The following TUBD1 variants were observed in gnomAD, a reference collection of about 807,000 sequenced individuals.
TUBD1 encodes the protein tubulin delta chain.
A neutral mutation model predicts 51.2 loss-of-function variants in TUBD1; 38 were observed. The ratio of observed to expected loss-of-function variants is 0.74; its 90% CI spans 0.57 to 0.97. The LOEUF is 0.97. Ranked by LOEUF, TUBD1 falls within the 50% of genes least tolerant of loss-of-function variation. The pLI is 0.00. For missense variants in TUBD1, 489 were observed against 538.4 expected (o/e 0.91, Z 0.91); for synonymous variants, 169 against 178.2 (o/e 0.95, Z 0.41).
At chr17:59,871,238 G>C (rs1194113367) in intron 6 of TUBD1, among the ~76,000 whole-genome samples, 1 of 152,002 alleles carries the variant, frequency 6.6e-6, no homozygotes, top group Non-Finnish European at 1.5e-5. Context: ...CTCTGTCGCC[G>C]AGGCTGGAGT....
chr17:59,890,995 A>G lies in TUBD1; in HGVS notation c.8T>C (p.Ile3Thr), dbSNP rs753772075. Reference sequence around the variant, plus strand: ...ACACTGACCAAGTTGCACTGTTACAATTGACATGCTGAGCCACAAACTAGG... The same window carrying G: ...ACACTGACCAAGTTGCACTGTTACAGTTGACATGCTGAGCCACAAACTAGG... MSIVTVQLGQCGN... is the reference protein window; with the variant it reads MSTVTVQLGQCGN... The change falls in exon 2 of 9, where the codon ATT becomes ACT. Residue 3 changes from isoleucine (I) to threonine (T), a missense_variant. By Grantham distance (89) the Ile-to-Thr change is moderately conservative (BLOSUM62 -1). Transcript: ENST00000325752. 5.0e-6 allele frequency: 8 copies of G among 1,609,996 alleles called. No homozygotes were observed. The highest frequency in any genetic ancestry group is 1.3e-5 in the African/African-American group (1 of 74,906).
At chr17:59,875,536 C>T (rs936296747) in intron 5 of TUBD1, among the ~76,000 whole-genome samples, 7 of 151,636 alleles carry the variant, frequency 4.6e-5, no homozygotes, top group Non-Finnish European at 5.9e-5. Context: ...ATCATGAGGT[C>T]AGGAGTTTAA....
chr17:59,884,061 G>A (rs528753081), intron 3 of TUBD1, among the ~76,000 whole-genome samples: 1 of 152,046 alleles, frequency 6.6e-6, no homozygotes, highest in South Asian at 2.1e-4. Flanking sequence ...AGGAGTTTGA[G>A]AGCAGCCTGG....
At chr17:59,890,074 T>A (rs193243720) in intron 2 of TUBD1, among the ~76,000 whole-genome samples, 40 of 149,550 alleles carry the variant, frequency 2.7e-4, no homozygotes, top group African/African-American at 9.8e-4. Context: ...GCCACCGCAC[T>A]CCAGCTTGGG....
chr17:59,889,079 G>T (rs1219303718), intron 2 of TUBD1, among the ~76,000 whole-genome samples: 1 of 142,402 alleles, frequency 7.0e-6, no homozygotes, highest in African/African-American at 2.6e-5. Flanking sequence ...GCAGTGGCGA[G>T]ATCTCGGCTC....
intron 8 of TUBD1, among the ~76,000 whole-genome samples, chr17:59,861,684 T>C (rs2039452107): frequency 6.6e-6 from 1 of 151,656 alleles, no homozygotes. Context: ...TTGTTTGTTT[T>C]TGAGACAGAG....
chr17:59,873,104 ATAAG>A (rs1224158399), intron 6 of TUBD1, among the ~76,000 whole-genome samples: 1 of 151,808 alleles, frequency 6.6e-6, no homozygotes, highest in African/African-American at 2.4e-5. Context: ...AGATAACAAT[ATAAG>A]TAAGACATTT....
chr17:59,886,036 A>C lies in TUBD1; in HGVS notation c.320+47T>G, dbSNP rs200616381. ...TTCTAACTTTGCTATCTATTAATTG[A>C]CTGTGTAGCTGTCACTAAACTGAAA... On this transcript the variant is annotated intron_variant, in intron 3 of 8. Transcript: ENST00000325752. 2.5e-5 allele frequency: 40 copies of C among 1,597,010 alleles called. No individual in the cohort carries two copies. In the African/African-American group the frequency reaches 4.3e-4, roughly 17 times the overall value.
At chr17:59,888,284 G>A (rs2040827063) in intron 2 of TUBD1, among the ~76,000 whole-genome samples, 1 of 152,158 alleles carries the variant, frequency 6.6e-6, no homozygotes, top group Non-Finnish European at 1.5e-5. Flanking sequence ...ATAGACAGTA[G>A]ACTCCAGGCA....
chr17:59,869,212 C>A (rs748036794), intron 6 of TUBD1, among the ~76,000 whole-genome samples: 19 of 151,686 alleles, frequency 1.3e-4, no homozygotes, highest in Non-Finnish European at 2.2e-4. Flanking sequence ...ATGGTGGCTT[C>A]TGCCTATAAT....
In TUBD1 at chr17:59,875,031, T is replaced by G. The variant is rs548702306; in HGVS notation, c.770-328A>C. ...AACAAAGTAAACATGAGAACTGATA[T>G]GCTTTTCTTGTCATTCTATGTTCAC... On this transcript the variant is annotated intron_variant, in intron 5 of 8. Coordinates refer to ENST00000325752, the MANE Select transcript of TUBD1 (RefSeq NM_016261.4). 1.5e-4 allele frequency among the ~76,000 whole-genome samples: 22 copies of G among 151,486 alleles called. 1 individual carries two copies. Among genetic ancestry groups the G allele is most frequent in the Non-Finnish European group, 2.7e-4 (18 of 67,912 alleles).
intron 3 of TUBD1, among the ~76,000 whole-genome samples, chr17:59,881,681 A>T (rs1176164732): frequency 6.6e-6 from 1 of 150,782 alleles, no homozygotes; most frequent in Admixed American, 6.6e-5. Context: ...TCTTTAAGCT[A>T]TTTTCTTTTT....
chr17:59,890,305 G>A (rs1198475407), intron 2 of TUBD1, among the ~76,000 whole-genome samples: 1 of 152,080 alleles, frequency 6.6e-6, no homozygotes, highest in Non-Finnish European at 1.5e-5. Context: ...GGGCAGTGGT[G>A]CGGTCTCGGC....
At chr17:59,862,825 C>T (rs1010125842) in intron 8 of TUBD1, among the ~76,000 whole-genome samples, 6 of 146,268 alleles carry the variant, frequency 4.1e-5, no homozygotes, top group African/African-American at 1.3e-4. Flanking sequence ...CCCGGGTTCA[C>T]GCCATTCTCC....
At chr17:59,861,954 CTG>C (rs2039470359) in intron 8 of TUBD1, among the ~76,000 whole-genome samples, 2 of 151,568 alleles carry the variant, frequency 1.3e-5, no homozygotes, top group African/African-American at 2.4e-5. Context: ...GTGTGAGCCA[CTG>C]CACCCAGCCT....
intron 5 of TUBD1, among the ~76,000 whole-genome samples, chr17:59,877,619 T>A (rs2040283922): frequency 1.3e-5 from 2 of 151,900 alleles, no homozygotes; most frequent in African/African-American, 4.8e-5. Context: ...AATACAAAAA[T>A]CAGCTGGGCA....
At chr17:59,866,784 T>G in intron 6 of TUBD1, 35 bp from the exon 7 acceptor site, 4 of 1,561,140 alleles carry the variant, frequency 2.6e-6, no homozygotes, top group Non-Finnish European at 2.6e-6. Flanking sequence ...AGGTTTTATT[T>G]TATTTACTTA....
At chr17:59,868,951 A>G (rs1340261280) in intron 6 of TUBD1, among the ~76,000 whole-genome samples, 1 of 151,914 alleles carries the variant, frequency 6.6e-6, no homozygotes, top group Non-Finnish European at 1.5e-5. Context: ...CAGGAGTTTG[A>G]GGCTGCATTG....
intron 2 of TUBD1, chr17:59,886,680 CAT>C (rs1352810469): frequency 4.4e-5 from 6 of 136,650 alleles, no homozygotes; most frequent in East Asian, 2.3e-4. Context: ...GGTCTACAAA[CAT>C]ATGCTGAATG....
Sources: allele counts gnomAD v4.1 joint callset (sites outside exome capture counted in the v4.1 genomes callset), GRCh38; gene constraint gnomAD v4.1.1; transcripts MANE v1.5; gene names NCBI Gene and HGNC (gene_info 2026-07-23, HGNC 2026-07-21).